The following KCNMA1 variants were observed in gnomAD, a reference collection of about 807,000 sequenced individuals.
KCNMA1 encodes the protein potassium calcium-activated channel subfamily M alpha 1, also known as Calcium-activated potassium channel subunit alpha-1.
A neutral mutation model predicts 140.0 loss-of-function variants in KCNMA1; 29 were observed. The observed-to-expected ratio is 0.21, with a 90% confidence interval of 0.15 to 0.28. The LOEUF is 0.28. KCNMA1 is among the 10% of genes least tolerant of loss of function. The pLI is 1.00. For missense variants in KCNMA1, 880 were observed against 1,602.2 expected (o/e 0.55, Z 7.70); for synonymous variants, 612 against 611.9 (o/e 1.00, Z 0.00).
At chr10:77,539,057 G>A (rs1257816995) in intron 1 of KCNMA1, among the ~76,000 whole-genome samples, 2 of 152,074 alleles carry the variant, frequency 1.3e-5, no homozygotes, top group Non-Finnish European at 2.9e-5. Context: ...AGGCTGGTTG[G>A]TCCGGGAGGA....
intron 14 of KCNMA1, among the ~76,000 whole-genome samples, chr10:77,045,331 T>C (rs576547722): frequency 7.2e-5 from 11 of 152,316 alleles, no homozygotes; most frequent in African/African-American, 2.6e-4. Flanking sequence ...ATTTATCCTT[T>C]GGCTGTCACA....
intron 1 of KCNMA1, among the ~76,000 whole-genome samples, chr10:77,488,132 G>A (rs1037056232): frequency 6.6e-5 from 10 of 152,158 alleles, no homozygotes; most frequent in Admixed American, 3.3e-4. Context: ...CAACGATGTC[G>A]ACAAGATGGC....
chr10:77,050,642 G>A (rs998127129), intron 14 of KCNMA1, among the ~76,000 whole-genome samples: 2 of 152,220 alleles, frequency 1.3e-5, no homozygotes, highest in African/African-American at 2.4e-5. Flanking sequence ...TCAAGTCTAT[G>A]AGTCTGCATT....
At chr10:77,573,358 A>G (rs964330820) in intron 1 of KCNMA1, among the ~76,000 whole-genome samples, 1 of 152,158 alleles carries the variant, frequency 6.6e-6, no homozygotes, top group East Asian at 1.9e-4. Flanking sequence ...TAGGTCAGAC[A>G]TGACCCAGGA....
At chr10:77,096,362 C>T (rs1035299178) in intron 9 of KCNMA1, among the ~76,000 whole-genome samples, 1 of 152,144 alleles carries the variant, frequency 6.6e-6, no homozygotes, top group Non-Finnish European at 1.5e-5. Context: ...TCTGTCCGAC[C>T]TTAGTTCACA....
At chr10:76,941,199 A>C (rs1200974063) in intron 23 of KCNMA1, among the ~76,000 whole-genome samples, 1 of 148,328 alleles carries the variant, frequency 6.7e-6, no homozygotes. Flanking sequence ...GAGGGAGGGA[A>C]GGAGGGAAAG....
intron 1 of KCNMA1, among the ~76,000 whole-genome samples, chr10:77,445,353 C>A (rs371154044): frequency 0.011 from 1,595 of 142,190 alleles, 27 homozygotes; most frequent in African/African-American, 0.043. Context: ...CTCTCTCACA[C>A]GCACATACAC....
rs544274650 is a variant in KCNMA1, at chr10:77,591,818, G to A, written c.378+45447C>T. The stretch of plus-strand genomic sequence containing the variant: ...AAGTACTTCCTCAGCAAACACCTGT[G>A]GAATTTAATTAGCTTGAGTTCAGAT... On this transcript the variant is annotated intron_variant, in intron 1 of 27. Coordinates refer to ENST00000286628, the MANE Select transcript of KCNMA1 (RefSeq NM_001161352.2). Among the ~76,000 whole-genome samples, 7 of 152,274 alleles carry A rather than the reference G, an allele frequency of 4.6e-5. No individual in the cohort carries two copies. The East Asian group carries it at 1.3e-3, about 29-fold the overall frequency.
At chr10:77,540,337 G>T (rs777582318) in intron 1 of KCNMA1, among the ~76,000 whole-genome samples, 2 of 152,162 alleles carry the variant, frequency 1.3e-5, no homozygotes, top group African/African-American at 4.8e-5. Flanking sequence ...ACCTACTGTG[G>T]GCTAAGCACT....
intron 5 of KCNMA1, among the ~76,000 whole-genome samples, chr10:77,180,591 C>T (rs1247066340): frequency 1.3e-5 from 2 of 152,076 alleles, no homozygotes; most frequent in Non-Finnish European, 2.9e-5. Flanking sequence ...CTAACCATAC[C>T]GTATCATTTA....
At chr10:77,511,436 A>G (rs769172442) in intron 1 of KCNMA1, among the ~76,000 whole-genome samples, 3 of 152,238 alleles carry the variant, frequency 2.0e-5, no homozygotes, top group Non-Finnish European at 4.4e-5. Flanking sequence ...TAGTTAAGAA[A>G]ATGGACTCTG....
chr10:76,896,765 A>G (rs1000707168), intron 25 of KCNMA1, among the ~76,000 whole-genome samples: 2 of 151,924 alleles, frequency 1.3e-5, no homozygotes, highest in African/African-American at 4.8e-5. Flanking sequence ...GTTGTAGGGG[A>G]GGGTAGGATA....
intron 2 of KCNMA1, among the ~76,000 whole-genome samples, chr10:77,362,360 C>G (rs1293769568): frequency 2.2e-5 from 2 of 92,386 alleles, no homozygotes; most frequent in African/African-American, 9.5e-5. Context: ...CCCACCCCCC[C>G]CACCCCACAC....
At chr10:77,631,472 C>T (rs1365410219) in intron 1 of KCNMA1, among the ~76,000 whole-genome samples, 1 of 152,220 alleles carries the variant, frequency 6.6e-6, no homozygotes, top group Non-Finnish European at 1.5e-5. Context: ...AGGCGACCTT[C>T]CAGGGGATCT....
At chr10:77,442,103 C>A (rs900019139) in intron 1 of KCNMA1, among the ~76,000 whole-genome samples, 1 of 152,156 alleles carries the variant, frequency 6.6e-6, no homozygotes, top group African/African-American at 2.4e-5. Flanking sequence ...CTCGAAAGGT[C>A]CGTTTGCTTT....
chr10:77,464,861 T>C (rs923524403), intron 1 of KCNMA1, among the ~76,000 whole-genome samples: 1 of 152,154 alleles, frequency 6.6e-6, no homozygotes, highest in African/African-American at 2.4e-5. Flanking sequence ...TCACAAGGGT[T>C]CAGATAGAAA....
chr10:77,554,622 A>T (rs1276565261), intron 1 of KCNMA1, among the ~76,000 whole-genome samples: 2 of 146,700 alleles, frequency 1.4e-5, no homozygotes, highest in Non-Finnish European at 3.0e-5. Flanking sequence ...AAAAAAAGAA[A>T]GAAAGAAAAG....
At chr10:77,309,246 TACAC>T (rs1423898436) in intron 2 of KCNMA1, among the ~76,000 whole-genome samples, 1 of 152,220 alleles carries the variant, frequency 6.6e-6, no homozygotes, top group Non-Finnish European at 1.5e-5. Flanking sequence ...GACATACATG[TACAC>T]ACGAGCCCAC....
At chr10:77,577,083 C>T (rs1212356326) in intron 1 of KCNMA1, among the ~76,000 whole-genome samples, 1 of 150,138 alleles carries the variant, frequency 6.7e-6, no homozygotes, top group Non-Finnish European at 1.5e-5. Flanking sequence ...CCCATGTTGA[C>T]GAGCCTACAC....
Sources: allele counts gnomAD v4.1 joint callset (sites outside exome capture counted in the v4.1 genomes callset), GRCh38; gene constraint gnomAD v4.1.1; transcripts MANE v1.5; gene names NCBI Gene and HGNC (gene_info 2026-07-23, HGNC 2026-07-21).